COG7: variants seen among roughly 807,000 people sequenced by gnomAD.
COG7 encodes conserved oligomeric Golgi complex subunit 7.
Under a neutral mutation model 91.5 loss-of-function variants are expected in COG7, and 49 were observed. The observed-to-expected ratio is 0.54, with a 90% confidence interval of 0.43 to 0.68. COG7 has a LOEUF of 0.68. COG7 is among the 30% of genes least tolerant of loss of function. COG7 has a pLI of 0.00. For missense variants in COG7, 895 were observed against 961.3 expected, an observed-to-expected ratio of 0.93 and a Z score of 0.91; for synonymous variants, 365 against 388.7, an observed-to-expected ratio of 0.94 and a Z score of 0.72.
intron 16 of COG7, chr16:23,389,755 C>T (rs250585): frequency 0.2 from 29,842 of 152,890 alleles, 3,009 homozygotes; most frequent in East Asian, 0.29. Flanking sequence ...GGGATACAAT[C>T]GGATACAGAT....
chr16:23,423,878 GT>G (rs1468135829), intron 7 of COG7, among the ~76,000 whole-genome samples: 1 of 152,178 alleles, frequency 6.6e-6, no homozygotes, highest in Non-Finnish European at 1.5e-5. Context: ...ACCAGGCACT[GT>G]TTACCCAAAT....
intron 7 of COG7, among the ~76,000 whole-genome samples, chr16:23,419,070 C>A (rs1166056802): frequency 1.3e-5 from 2 of 152,356 alleles, no homozygotes; most frequent in African/African-American, 4.8e-5. Context: ...CACCAGCCCC[C>A]TGAATCCCAT....
chr16:23,413,778 C>T (rs1232648205), intron 9 of COG7: 5 of 499,696 alleles, frequency 1.0e-5, no homozygotes, highest in Non-Finnish European at 1.8e-5. Context: ...TGAGCAGTTT[C>T]TAAAAGAGAT....
At chr16:23,421,850 C>CAA (rs369425955) in intron 7 of COG7, among the ~76,000 whole-genome samples, 545 of 47,560 alleles carry the variant, frequency 0.011, 9 homozygotes, top group African/African-American at 0.041. Context: ...GACTCCATCT[C>CAA]AAAAAAAAAA....
intron 7 of COG7, among the ~76,000 whole-genome samples, chr16:23,422,619 T>C (rs1963777044): frequency 6.6e-6 from 1 of 151,812 alleles, no homozygotes; most frequent in African/African-American, 2.4e-5. Context: ...AAGCAAATAA[T>C]GTTGTTGGTG....
At chr16:23,392,814 C>T (rs1206826884) in intron 15 of COG7, among the ~76,000 whole-genome samples, 1 of 152,024 alleles carries the variant, frequency 6.6e-6, no homozygotes, top group African/African-American at 2.4e-5. Context: ...GCCTGTAGTC[C>T]CAGCTACTCA....
At chr16:23,401,807 G>A (rs1004096303) in intron 13 of COG7, among the ~76,000 whole-genome samples, 1 of 151,958 alleles carries the variant, frequency 6.6e-6, no homozygotes, top group African/African-American at 2.4e-5. Context: ...TGTAATCCCA[G>A]CACTTTGGGA....
intron 16 of COG7, among the ~76,000 whole-genome samples, chr16:23,391,317 TC>T (rs1420626724): frequency 6.6e-6 from 1 of 152,188 alleles, no homozygotes; most frequent in Non-Finnish European, 1.5e-5. Context: ...TTCCAGTTCT[TC>T]CCCCTGCTGC....
At chr16:23,439,496 T>G (rs945388784) in intron 4 of COG7, among the ~76,000 whole-genome samples, 2 of 151,962 alleles carry the variant, frequency 1.3e-5, no homozygotes, top group Admixed American at 1.3e-4. Flanking sequence ...ATAGAGAAAA[T>G]GTGGTAATAT....
At chr16:23,420,594 A>G (rs1963738643) in intron 7 of COG7, among the ~76,000 whole-genome samples, 1 of 152,126 alleles carries the variant, frequency 6.6e-6, no homozygotes, top group Non-Finnish European at 1.5e-5. Context: ...CTTCTCCTTC[A>G]ATACTCACTC....
Position 23,452,920 on chromosome 16 carries a change from G to C in COG7, c.75C>G (p.Ser25=), listed in dbSNP as rs149481813. ...CCGCCTTCCCGGACGCCGCCTCCTTGGAGCCGGCCCTGAAGGCCGCATTGA... is the reference window on the plus strand; with the variant it reads ...CCGCCTTCCCGGACGCCGCCTCCTTCGAGCCGGCCCTGAAGGCCGCATTGA... ...EWINAAFRAG[S]KEAASGKADG... is the part of the protein sequence containing the mutation. The change falls in exon 1 of 17, where the codon TCC becomes TCG. Residue 25 remains serine, a synonymous_variant. Transcript: ENST00000307149. 837 of 1,614,106 alleles carry C rather than the reference G, an allele frequency of 5.2e-4. 2 individuals are homozygous for C. The highest frequency in any genetic ancestry group is 2.5e-3 in the South Asian group (231 of 91,082).
intron 16 of COG7, among the ~76,000 whole-genome samples, chr16:23,391,029 C>T (rs1963187083): frequency 6.6e-6 from 1 of 152,248 alleles, no homozygotes; most frequent in South Asian, 2.1e-4. Context: ...TGCTTTGCCA[C>T]AGACCTCACC....
At position 23,412,152 on chromosome 16, in the gene COG7, A is replaced by T. The variant is rs147769382; in HGVS notation, c.1409+1296T>A. 7.3e-3 allele frequency among the ~76,000 whole-genome samples: 1,108 copies of T among 152,244 alleles called. 18 individuals carry two copies. The highest frequency in any genetic ancestry group is 0.026 in the African/African-American group (1,066 of 41,514). ...TACCTCGACCTCCCAAAGTGCTGGG[A>T]TTACAGGTGTGAGCCACTGTGCCCA... On this transcript the variant is annotated intron_variant, in intron 10 of 16. Coordinates refer to ENST00000307149, the MANE Select transcript of COG7 (RefSeq NM_153603.4).
rs552689307 is a variant in COG7 at position 23,442,207 on chromosome 16, G to A, written c.604+270C>T. On this transcript the variant is annotated intron_variant, in intron 4 of 16. Coordinates refer to ENST00000307149, the MANE Select transcript of COG7 (RefSeq NM_153603.4). ...AAATTACCTGGGTGTGGTGGCACACGCCTGTAATCCCAGCTACTCGGGAGG... is the reference window on the plus strand; with the variant it reads ...AAATTACCTGGGTGTGGTGGCACACACCTGTAATCCCAGCTACTCGGGAGG... Among the ~76,000 whole-genome samples the A allele has an allele frequency of 9.2e-5, 14 of 151,978 alleles. No homozygotes were observed. In the East Asian group the frequency reaches 2.3e-3, roughly 25 times the overall value.
chr16:23,412,199 T>C (rs1963574709), intron 10 of COG7, among the ~76,000 whole-genome samples: 1 of 152,182 alleles, frequency 6.6e-6, no homozygotes, highest in African/African-American at 2.4e-5. Flanking sequence ...ATCTGTTGTA[T>C]GGTGCTTCTC....
At position 23,393,306 on chromosome 16, in the gene COG7, T is replaced by C; in HGVS notation, c.1929A>G (p.Pro643=). Residue 643 remains proline, a synonymous_variant, in exon 15 of 17, where the codon CCA becomes CCG. Transcript: ENST00000307149. ...YIMSLPLNLE[P]FVTQEDSALE... is the part of the protein sequence containing the mutation. Reference sequence around the variant, plus strand: ...AGGCAGAGTCCTCCTGAGTCACAAATGGCTCAAGATTCAGGGGGAGGGACA... The same window carrying C: ...AGGCAGAGTCCTCCTGAGTCACAAACGGCTCAAGATTCAGGGGGAGGGACA... The C allele has an allele frequency of 1.2e-6, 2 of 1,614,118 alleles. No homozygotes were observed. Among genetic ancestry groups the C allele is most frequent in the Admixed American group, 1.7e-5 (1 of 60,012 alleles).
intron 4 of COG7, among the ~76,000 whole-genome samples, chr16:23,438,463 T>C (rs745394174): frequency 5.9e-5 from 9 of 151,856 alleles, no homozygotes; most frequent in Non-Finnish European, 1.0e-4. Context: ...GAGGCTGCCG[T>C]GGGAGGATCA....
intron 5 of COG7, 36 bp from the exon 6 acceptor site, chr16:23,433,703 C>G: frequency 1.2e-6 from 2 of 1,612,464 alleles, no homozygotes; most frequent in Non-Finnish European, 1.7e-6. Context: ...TTATTGGGTA[C>G]GTCAACATAG....
intron 15 of COG7, 86 bp from the exon 16 acceptor site, chr16:23,392,609 A>C: frequency 7.4e-5 from 113 of 1,527,716 alleles, no homozygotes; most frequent in Non-Finnish European, 8.5e-5. Context: ...TTCTGATCTC[A>C]ATGGCAAACA....
Sources: allele counts gnomAD v4.1 joint callset (sites outside exome capture counted in the v4.1 genomes callset), GRCh38; gene constraint gnomAD v4.1.1; transcripts MANE v1.5; gene names NCBI Gene and HGNC (gene_info 2026-07-23, HGNC 2026-07-21).